The following SUPT3H variants were observed in gnomAD, a reference collection of about 807,000 sequenced individuals.
SUPT3H encodes SPT3 homolog, SAGA and STAGA complex component.
A neutral mutation model predicts 44.3 loss-of-function variants in SUPT3H; 44 were observed. That is an observed-to-expected ratio of 0.99 (90% CI 0.78 to 1.28). SUPT3H has a LOEUF of 1.28. Ranked by LOEUF, SUPT3H falls within the 50% of genes most tolerant of loss-of-function variation. The pLI, the probability that SUPT3H is intolerant of heterozygous loss-of-function variation, is 0.00. For missense variants in SUPT3H, 380 were observed against 387.1 expected (o/e 0.98, Z 0.15); for synonymous variants, 124 against 125.6 (o/e 0.99, Z 0.09).
At chr6:45,040,788 C>A (rs1788413304) in intron 3 of SUPT3H, among the ~76,000 whole-genome samples, 1 of 152,160 alleles carries the variant, frequency 6.6e-6, no homozygotes, top group Admixed American at 6.5e-5. Flanking sequence ...GAAATTCAGA[C>A]AACAAACCCA....
intron 2 of SUPT3H, among the ~76,000 whole-genome samples, chr6:45,283,588 A>G (rs1778609481): frequency 6.6e-6 from 1 of 152,196 alleles, no homozygotes; most frequent in African/African-American, 2.4e-5. Context: ...TCATAAAGCA[A>G]GTCCTCAGAG....
In SUPT3H at chr6:45,306,896, C is replaced by G. The variant is rs1783114216; in HGVS notation, c.101+58305G>C. ...AATTCCCTTTCATGGCCAAGCAAAG[C>G]TGGAAAATCAGGTCACTCCCACCCT... is the stretch of plus-strand genomic sequence containing the variant. On this transcript the variant is annotated intron_variant, in intron 2 of 10. Coordinates refer to ENST00000371459, the MANE Select transcript of SUPT3H (RefSeq NM_003599.4). Among the ~76,000 whole-genome samples, 3 of 152,162 alleles carry G rather than the reference C, an allele frequency of 2.0e-5. No individual in the cohort carries two copies. The South Asian group carries it at 6.2e-4, about 32-fold the overall frequency.
intron 9 of SUPT3H, among the ~76,000 whole-genome samples, chr6:44,936,215 T>C (rs1771389429): frequency 6.6e-6 from 1 of 152,238 alleles, no homozygotes; most frequent in African/African-American, 2.4e-5. Context: ...GGAGAATTTT[T>C]TTCACATGAA....
chr6:45,069,691 G>A (rs1794072098), intron 3 of SUPT3H, among the ~76,000 whole-genome samples: 1 of 152,000 alleles, frequency 6.6e-6, no homozygotes, highest in Non-Finnish European at 1.5e-5. Context: ...ATATGAGGGC[G>A]AGGAAACCAC....
At chr6:45,063,781 C>A (rs1016766854) in intron 3 of SUPT3H, among the ~76,000 whole-genome samples, 1 of 142,008 alleles carries the variant, frequency 7.0e-6, no homozygotes, top group African/African-American at 2.7e-5. Flanking sequence ...AAGAAATGAG[C>A]AAAGCCTCCA....
chr6:45,195,128 A>C (rs1314418644), intron 2 of SUPT3H, among the ~76,000 whole-genome samples: 1 of 152,154 alleles, frequency 6.6e-6, no homozygotes, highest in Non-Finnish European at 1.5e-5. Context: ...GGATAATGGA[A>C]AAGAAAGAAG....
rs1226325079 is a variant in SUPT3H, at chr6:44,916,644, T to C, written c.912+16009A>G. Among the ~76,000 whole-genome samples the C allele has an allele frequency of 3.9e-5, 6 of 152,208 alleles. No individual in the cohort carries two copies. In the East Asian group the frequency reaches 1.2e-3, roughly 29 times the overall value. ...AGCCAATTATGGCTCTGGGTCTCTGTCTCACACTCAAATGTCAGGCTGGGC... is the reference window on the plus strand; with the variant it reads ...AGCCAATTATGGCTCTGGGTCTCTGCCTCACACTCAAATGTCAGGCTGGGC... On this transcript the variant is annotated intron_variant, in intron 10 of 10. Transcript: ENST00000371459.
intron 2 of SUPT3H, among the ~76,000 whole-genome samples, chr6:45,322,432 T>C (rs985376278): frequency 4.0e-5 from 6 of 151,476 alleles, no homozygotes; most frequent in Non-Finnish European, 5.9e-5. Context: ...AACATTTCTT[T>C]CCTGACTTCC....
intron 2 of SUPT3H, among the ~76,000 whole-genome samples, chr6:45,271,791 C>A (rs1308031403): frequency 1.3e-5 from 2 of 152,156 alleles, no homozygotes; most frequent in Admixed American, 1.3e-4. Flanking sequence ...CCTGCAGACA[C>A]TCAATTCCAC....
At chr6:44,945,248 T>C (rs1463334694) in intron 9 of SUPT3H, among the ~76,000 whole-genome samples, 1 of 152,182 alleles carries the variant, frequency 6.6e-6, no homozygotes, top group African/African-American at 2.4e-5. Flanking sequence ...CTTTCTTCTC[T>C]CAGGCCTCCC....
At position 45,302,558 on chromosome 6, in the gene SUPT3H, C is replaced by CATATAT. The variant is rs1562914804; in HGVS notation, c.101+62642_101+62643insATATAT. On this transcript the variant is annotated intron_variant, in intron 2 of 10. Transcript: ENST00000371459. ...ATATATATATATATATATATATATG[C>CATATAT]ATGCCACAATTTATTTATCTACTTA... Among the ~76,000 whole-genome samples, 158 of 73,706 alleles carry CATATAT rather than the reference C, an allele frequency of 2.1e-3. 4 individuals carry two copies. The highest frequency in any genetic ancestry group is 0.012 in the South Asian group (25 of 2,168). The allele number at this position is 73,706 out of a possible 152,430, so 48.4% of individuals were successfully genotyped here.
At chr6:45,331,104 G>GGT (rs143223149) in intron 2 of SUPT3H, among the ~76,000 whole-genome samples, 41,190 of 149,452 alleles carry the variant, frequency 0.28, 5,833 homozygotes, top group Admixed American at 0.38. Flanking sequence ...TACAATGAGT[G>GGT]GTGTGTGTGT....
intron 6 of SUPT3H, among the ~76,000 whole-genome samples, chr6:44,991,542 T>TG (rs1283948360): frequency 2.6e-5 from 4 of 151,908 alleles, no homozygotes; most frequent in African/African-American, 9.7e-5. Context: ...TATTTTTAGA[T>TG]GGAGTCTCCC....
chr6:45,057,605 T>A (rs1382272939), intron 3 of SUPT3H, among the ~76,000 whole-genome samples: 1 of 152,174 alleles, frequency 6.6e-6, no homozygotes, highest in East Asian at 1.9e-4. Flanking sequence ...GATGGCAGTA[T>A]TTATTTTGCT....
rs1204307185 is a variant in SUPT3H at position 44,935,498 on chromosome 6, A to C, written c.802-2735T>G. ...CAAAAACTAAACCCAAATATTTGAC[A>C]AAATACTGAGTCCTGTTTATAGAGT... On this transcript the variant is annotated intron_variant, in intron 9 of 10. Transcript: ENST00000371459. 2.6e-5 allele frequency among the ~76,000 whole-genome samples: 4 copies of C among 152,316 alleles called. No individual in the cohort carries two copies. The East Asian group carries it at 7.7e-4, about 29-fold the overall frequency.
chr6:45,131,604 C>T (rs929787394), intron 2 of SUPT3H, among the ~76,000 whole-genome samples: 2 of 152,062 alleles, frequency 1.3e-5, no homozygotes, highest in African/African-American at 2.4e-5. Context: ...ACCATATAAG[C>T]CAAAGCCCTC....
At chr6:44,921,976 C>A (rs1466058825) in intron 10 of SUPT3H, among the ~76,000 whole-genome samples, 1 of 152,204 alleles carries the variant, frequency 6.6e-6, no homozygotes, top group African/African-American at 2.4e-5. Context: ...ACTAATCAGT[C>A]AAAATATTTC....
rs537144674 is a variant in SUPT3H, at chr6:44,903,408, C to T, written c.912+29245G>A. 1.4e-3 allele frequency among the ~76,000 whole-genome samples: 209 copies of T among 152,090 alleles called. 1 individual carries two copies. Among genetic ancestry groups the T allele is most frequent in the African/African-American group, 4.3e-3 (179 of 41,476 alleles). On this transcript the variant is annotated intron_variant, in intron 10 of 10. Coordinates refer to ENST00000371459, the MANE Select transcript of SUPT3H (RefSeq NM_003599.4). ...TCAGAGAATACTATAAACACCTCTA[C>T]GCAAATAAACTAGAAAATCTAGAAG...
At chr6:45,113,922 C>T (rs1220932221) in intron 2 of SUPT3H, among the ~76,000 whole-genome samples, 1 of 151,556 alleles carries the variant, frequency 6.6e-6, no homozygotes, top group Non-Finnish European at 1.5e-5. Context: ...TTCTCAACAA[C>T]CATTTCCCCA....
Sources: gnomAD v4.1 joint callset for allele counts (sites outside exome capture counted in the v4.1 genomes callset) on GRCh38, gnomAD v4.1.1 for gene constraint, MANE v1.5 for transcripts, NCBI Gene and HGNC (gene_info 2026-07-23, HGNC 2026-07-21) for gene names.